Variants in SLC26A9 observed in about 807,000 individuals in gnomAD.
The protein encoded by SLC26A9 is solute carrier family 26 member 9, also known as anion transporter/exchanger protein 9.
In SLC26A9, 46 loss-of-function variants were observed where a neutral mutation model predicts 87.1. The ratio of observed to expected loss-of-function variants is 0.53; its 90% CI spans 0.42 to 0.67. The LOEUF is 0.67. SLC26A9 is among the 30% of genes least tolerant of loss of function. SLC26A9 has a pLI of 0.00. For missense variants in SLC26A9, 927 were observed against 1,018.3 expected, an observed-to-expected ratio of 0.91 and a Z score of 1.22; for synonymous variants, 437 against 409.1, an observed-to-expected ratio of 1.07 and a Z score of -0.82.
chr1:205,935,851 C>G lies in SLC26A9; in HGVS notation c.-18-13G>C. On this transcript the variant is annotated splice_polypyrimidine_tract_variant and intron_variant, in intron 1 of 20. Transcript: ENST00000367135. ...GGGCATTTACAAGCTTTGGGAGAAG[C>G]AGAGGAGGGGAGGGTGAGGGAACAT... 1.2e-6 allele frequency: 2 copies of G among 1,606,434 alleles called. No individual in the cohort carries two copies. Among genetic ancestry groups the G allele is most frequent in the Non-Finnish European group, 8.5e-7 (1 of 1,175,068 alleles).
rs1659746677 is a variant in SLC26A9 at position 205,941,547 on chromosome 1, C to T, written c.-19+1818G>A. Among the ~76,000 whole-genome samples the T allele has an allele frequency of 2.0e-5, 3 of 152,242 alleles. No individual in the cohort carries two copies. The South Asian group carries it at 6.2e-4, about 32-fold the overall frequency. ...AGGGCAAATCTCTCCCTACTCCTCA[C>T]CCCAGCCTAATTTCCTCCTCAGTGT... On this transcript the variant is annotated intron_variant, in intron 1 of 20. Coordinates refer to ENST00000367135, the MANE Select transcript of SLC26A9 (RefSeq NM_052934.4).
chr1:205,921,925 T>C (rs895953650), intron 16 of SLC26A9, 78 bp from the exon 17 acceptor site: 77 of 1,512,138 alleles, frequency 5.1e-5, no homozygotes, highest in Non-Finnish European at 6.1e-5. Flanking sequence ...AGCAGGGGCA[T>C]GGAGGGTGTA....
At position 205,921,804 on chromosome 1, in the gene SLC26A9, G is replaced by A. The variant is rs74146719; in HGVS notation, c.1817C>T (p.Pro606Leu). Residue 606 changes from proline (P) to leucine (L), a missense_variant, in exon 17 of 21, where the codon CCC (proline) becomes CTC (leucine). Transcript: ENST00000367135. ...CTGGTTGTTGTTGGGGTCGGTGGGG[G>A]GCGCATTCTCAAAGTCCTGCTGCAG... ...QELQQDFENAPPTDPNNNQTP... is the reference protein window; with the variant it reads ...QELQQDFENALPTDPNNNQTP... The A allele has an allele frequency of 4.8e-3, 7,650 of 1,607,034 alleles. 163 individuals carry two copies. In the African/African-American group the frequency reaches 0.056, roughly 12 times the overall value.
In SLC26A9 at chr1:205,917,338, T is replaced by C. The variant is rs1558118207; in HGVS notation, c.2273A>G (p.Glu758Gly). The change falls in exon 20 of 21, where the codon GAG becomes GGG. Residue 758 changes from glutamate to glycine, a missense_variant. By Grantham distance (98) the Glu-to-Gly change is moderately conservative. Transcript: ENST00000367135. ...HNFQGAPGDA[E>G]LSLYDSEEDI... ...CTCCTCTGAGTCGTACAAGGAGAGC[T>C]CAGCATCCCCTGGAGCCTGGAAGGG... 4 of 1,613,858 alleles carry C rather than the reference T, an allele frequency of 2.5e-6. No homozygotes were observed. The highest frequency in any genetic ancestry group is 1.7e-6 in the Non-Finnish European group (2 of 1,179,966).
intron 1 of SLC26A9, among the ~76,000 whole-genome samples, chr1:205,942,170 T>C (rs1659774906): frequency 6.6e-6 from 1 of 152,180 alleles, no homozygotes; most frequent in African/African-American, 2.4e-5. Flanking sequence ...CATTAAAAGA[T>C]AAAGAGGAGT....
chr1:205,936,450 C>T (rs1356745830), intron 1 of SLC26A9, among the ~76,000 whole-genome samples: 1 of 152,182 alleles, frequency 6.6e-6, no homozygotes, highest in Non-Finnish European at 1.5e-5. Context: ...CTCTCTCCCA[C>T]GGCTTCCTGT....
chr1:205,932,123 C>T, intron 4 of SLC26A9, 88 bp from the exon 5 acceptor site: 1 of 1,508,972 alleles, frequency 6.6e-7, no homozygotes, highest in Non-Finnish European at 9.0e-7. Flanking sequence ...CTTCCCGACC[C>T]CAGGGGGATG....
In SLC26A9 at chr1:205,915,411, G is replaced by A. The variant is rs752469944; in HGVS notation, c.2329-7C>T. ...ACATGCTCCCGAACATCTCCTGCAG[G>A]AACCACAGGAAGGAAGTGGGAGGGG... On this transcript the variant is annotated splice_polypyrimidine_tract_variant and splice_region_variant and intron_variant, in intron 20 of 20. Coordinates refer to ENST00000367135, the MANE Select transcript of SLC26A9 (RefSeq NM_052934.4). 4 of 1,613,968 alleles carry A rather than the reference G, an allele frequency of 2.5e-6. No individual in the cohort carries two copies. Among genetic ancestry groups the A allele is most frequent in the Admixed American group, 1.7e-5 (1 of 60,014 alleles).
intron 18 of SLC26A9, 69 bp from the exon 19 acceptor site, chr1:205,919,054 A>G: frequency 3.1e-6 from 5 of 1,592,614 alleles, no homozygotes; most frequent in Non-Finnish European, 4.3e-6. Context: ...GGTGGGGAAG[A>G]TAGTGAGACC....
intron 8 of SLC26A9, 42 bp downstream of exon 8, chr1:205,928,785 T>G: frequency 4.4e-6 from 7 of 1,589,880 alleles, no homozygotes; most frequent in African/African-American, 1.3e-5. Context: ...TAGTGGGGCA[T>G]GAGGTGCGGG....
At position 205,927,062 on chromosome 1, in the gene SLC26A9, T is replaced by A. The variant is rs1659100278; in HGVS notation, c.1293+149A>T. ...TCCTTCACCTGTAAAATGGGGAGGA[T>A]AAAACCTGCATTGTCTACCTCACAG... On this transcript the variant is annotated intron_variant, in intron 11 of 20. Coordinates refer to ENST00000367135, the MANE Select transcript of SLC26A9 (RefSeq NM_052934.4). 6 of 790,432 alleles carry A rather than the reference T, an allele frequency of 7.6e-6. No homozygotes were observed. In the South Asian group the frequency reaches 1.0e-4, roughly 13 times the overall value. 49.0% of individuals were successfully genotyped at this position (790,432 alleles called of 1,614,324 possible).
Position 205,929,951 on chromosome 1 carries a change from G to A in SLC26A9, c.658C>T (p.Leu220Phe), listed in dbSNP as rs375843065. 4.3e-6 allele frequency: 7 copies of A among 1,613,702 alleles called. No individual in the cohort carries two copies. Among genetic ancestry groups the A allele is most frequent in the Non-Finnish European group, 5.9e-6 (7 of 1,179,702 alleles). The change falls in exon 6 of 21, where the codon CTC becomes TTC. Residue 220 changes from leucine (L) to phenylalanine (F), a missense_variant. Transcript: ENST00000367135. ...ATGGTCAGTCCGAAGATGTACTTGA[G>A]CACCGAAATCAGGATCTGCAGGCCG... is the stretch of plus-strand genomic sequence containing the variant. ...AAGLQILISV[L>F]KYIFGLTIPS...
chr1:205,941,312 G>C (rs1252873981), intron 1 of SLC26A9, among the ~76,000 whole-genome samples: 1 of 152,098 alleles, frequency 6.6e-6, no homozygotes, highest in Non-Finnish European at 1.5e-5. Flanking sequence ...GGGATTACTG[G>C]TGCGCGCCAT....
rs778173489 is a variant in SLC26A9, at chr1:205,927,924, C to T, written c.1079G>A (p.Gly360Asp). 5.0e-6 allele frequency: 8 copies of T among 1,614,022 alleles called. No individual in the cohort carries two copies. The South Asian group carries it at 7.7e-5, about 16-fold the overall frequency. ...AMGRTLANKH[G>D]YDVDSNQEMI... ...TACCTGGTTCGAATCCACGTCGTAG[C>T]CGTGCTTGTTGGCCAGGGTCCGGCC... The change falls in exon 9 of 21, where the codon GGC (glycine) becomes GAC (aspartate). Residue 360 changes from glycine to aspartate, a missense_variant. Gly to Asp is a moderately conservative substitution (Grantham distance 94, BLOSUM62 -1). Transcript: ENST00000367135.
At chr1:205,927,787 C>A in intron 9 of SLC26A9, 115 bp downstream of exon 9, 3 of 1,526,246 alleles carry the variant, frequency 2.0e-6, no homozygotes, top group South Asian at 2.5e-5. Context: ...CCCTATCCCC[C>A]ACACTCGAGG....
At chr1:205,932,108 G>A in intron 4 of SLC26A9, 73 bp from the exon 5 acceptor site, 11 of 1,572,152 alleles carry the variant, frequency 7.0e-6, no homozygotes, top group Non-Finnish European at 9.5e-6. Context: ...AGGGGCCCAG[G>A]AATGCTTCCC....
At position 205,917,231 on chromosome 1, in the gene SLC26A9, C is replaced by T. The variant is rs201138571; in HGVS notation, c.2328+52G>A. Reference sequence around the variant, plus strand: ...GCCTTGTATTTGACAGCGACCCCATCCTTCCCCTCTTCGCCCTGCTCCCAC... The same window carrying T: ...GCCTTGTATTTGACAGCGACCCCATTCTTCCCCTCTTCGCCCTGCTCCCAC... On this transcript the variant is annotated intron_variant, in intron 20 of 20. Coordinates refer to ENST00000367135, the MANE Select transcript of SLC26A9 (RefSeq NM_052934.4). 8.9e-4 allele frequency: 1,416 copies of T among 1,596,618 alleles called. 28 individuals carry two copies. In the South Asian group the frequency reaches 0.015, roughly 17 times the overall value.
At chr1:205,916,137 C>T (rs1318633673) in intron 20 of SLC26A9, among the ~76,000 whole-genome samples, 1 of 152,172 alleles carries the variant, frequency 6.6e-6, no homozygotes, top group Non-Finnish European at 1.5e-5. Flanking sequence ...AGCTCTGTCA[C>T]CCAAGCTGGA....
At position 205,927,962 on chromosome 1, in the gene SLC26A9, GAT is replaced by G; in HGVS notation, c.1039_1040del (p.Ile347GlnfsTer36). ...AFSLAIVSYV[I>X]NLAMGRTLAN... The stretch of plus-strand genomic sequence containing the variant: ...CCAGGGTCCGGCCCATAGCCAGGTT[GAT>G]GACGTAGCTCACGATGGCTAGGGAG... On this transcript the variant is annotated frameshift_variant, in exon 9 of 21. Transcript: ENST00000367135. LOFTEE classifies it high-confidence loss of function. 6.2e-7 allele frequency: 1 copy of G among 1,614,224 alleles called. No individual in the cohort carries two copies. Among genetic ancestry groups the G allele is most frequent in the Non-Finnish European group, 8.5e-7 (1 of 1,180,022 alleles).
Sources: gnomAD v4.1 joint callset for allele counts (sites outside exome capture counted in the v4.1 genomes callset) on GRCh38, gnomAD v4.1.1 for gene constraint, MANE v1.5 for transcripts, NCBI Gene and HGNC (gene_info 2026-07-23, HGNC 2026-07-21) for gene names.